Variants in LCA5L observed in about 807,000 individuals in gnomAD.
LCA5L encodes the protein lebercilin LCA5 like.
Under a neutral mutation model 45.4 loss-of-function variants are expected in LCA5L, and 35 were observed. The observed-to-expected ratio is 0.77, with a 90% CI of 0.59 to 1.02. The LOEUF (loss-of-function observed/expected upper bound fraction) is 1.02, where lower values mean the gene tolerates loss of function less well. LCA5L is among the 50% of genes least tolerant of loss of function. The pLI is 0.00. For missense variants in LCA5L, 668 were observed against 761.6 expected (o/e 0.88, Z 1.45); for synonymous variants, 233 against 264.7 (o/e 0.88, Z 1.16).
At position 39,435,559 on chromosome 21, in the gene LCA5L, T is replaced by C. The variant is rs961986423; in HGVS notation, c.-231A>G. ...TTTTGGTCTCTTTTTAAAGAAAGAA[T>C]ATATTTTAAAAAACCTAAAATGGTA... is the stretch of plus-strand genomic sequence containing the variant. On this transcript the variant is annotated 5_prime_UTR_variant, in exon 3 of 11. It adds an upstream start codon to the 5' untranslated region. Transcript: ENST00000288350. 1 of 152,200 alleles carries C rather than the reference T, an allele frequency of 6.6e-6. No individual in the cohort carries two copies. Among genetic ancestry groups the C allele is most frequent in the Non-Finnish European group, 1.5e-5 (1 of 68,018 alleles). 9.4% of individuals were successfully genotyped at this position (152,200 alleles called of 1,614,324 possible).
Position 39,406,408 on chromosome 21 carries a change from C to T in LCA5L, c.1487G>A (p.Ser496Asn). Residue 496 changes from serine to asparagine, a missense_variant, in exon 11 of 11, where the codon AGC becomes AAC. Ser to Asn is a conservative substitution (Grantham distance 46). Coordinates refer to ENST00000288350, the MANE Select transcript of LCA5L (RefSeq NM_152505.4). Reference protein sequence around the residue: ...DVLVREKFKRSMQRNGVDDTL... With the variant: ...DVLVREKFKRNMQRNGVDDTL... ...GTCATCCACACCATTTCTCTGCATG[C>T]TTCTTTTAAACTTTTCTCTTACTAG... is the stretch of plus-strand genomic sequence containing the variant. 6.2e-7 allele frequency: 1 copy of T among 1,613,848 alleles called. No homozygotes were observed. Among genetic ancestry groups the T allele is most frequent in the African/African-American group, 1.3e-5 (1 of 74,898 alleles).
chr21:39,438,058 T>G (rs918196303), intron 2 of LCA5L, among the ~76,000 whole-genome samples: 1 of 152,034 alleles, frequency 6.6e-6, no homozygotes, highest in African/African-American at 2.4e-5. Context: ...TATGAAAGAA[T>G]ACAAAGAAAT....
chr21:39,428,891 GGCGTGAGCCACCAT>G (rs1048932930), intron 4 of LCA5L, among the ~76,000 whole-genome samples: 81 of 152,000 alleles, frequency 5.3e-4, no homozygotes, highest in African/African-American at 1.9e-3. Flanking sequence ...TGGGATTACA[GGCGTGAGCCACCAT>G]GCTCAGCCAT....
At chr21:39,422,653 C>A in intron 6 of LCA5L, 2 of 414,918 alleles carry the variant, frequency 4.8e-6, no homozygotes, top group South Asian at 7.9e-5. Flanking sequence ...ACAATGCAAT[C>A]TTTTCAGCAC....
rs1373180800 is a variant in LCA5L, at chr21:39,410,176, A to G, written c.1165-80T>C. 1.9e-5 allele frequency: 24 copies of G among 1,253,922 alleles called. 1 individual carries two copies. The highest frequency in any genetic ancestry group is 2.8e-5 in the Non-Finnish European group (24 of 858,802). The allele number at this position is 1,253,922 out of a possible 1,614,324, so 77.7% of individuals were successfully genotyped here. A position where few individuals can be genotyped will look rare whatever the true frequency, so the allele number is the denominator to read the frequency against. On this transcript the variant is annotated intron_variant, in intron 9 of 10. Transcript: ENST00000288350. ...ATTGCATTTTATTCTAATGACTACAAATACTTTTCACATAGAACAAGTGAC... is the reference window on the plus strand; with the variant it reads ...ATTGCATTTTATTCTAATGACTACAGATACTTTTCACATAGAACAAGTGAC...
Position 39,410,115 on chromosome 21 carries a change from G to T in LCA5L, c.1165-19C>A. 1 of 1,528,796 alleles carries T rather than the reference G, an allele frequency of 6.5e-7. No individual in the cohort carries two copies. The highest frequency in any genetic ancestry group is 1.4e-5 in the African/African-American group (1 of 73,166). 94.7% of individuals were successfully genotyped at this position (1,528,796 alleles called of 1,614,324 possible). On this transcript the variant is annotated intron_variant, in intron 9 of 10. Coordinates refer to ENST00000288350, the MANE Select transcript of LCA5L (RefSeq NM_152505.4). ...TTTTACCCTGTAATTTAGAAAAGCA[G>T]CAAAAACACATTTTGGGGGGTCTAG...
intron 3 of LCA5L, among the ~76,000 whole-genome samples, chr21:39,433,764 G>T (rs1486654249): frequency 2.7e-5 from 4 of 145,992 alleles, no homozygotes; most frequent in Non-Finnish European, 6.0e-5. Context: ...GGTTACTGTA[G>T]CTTTTTTTTT....
rs370925430 is a variant in LCA5L, at chr21:39,406,132, T to A, written c.1763A>T (p.Asp588Val). The change falls in exon 11 of 11, where the codon GAT becomes GTT. Residue 588 changes from aspartate to valine, a missense_variant. Coordinates refer to ENST00000288350, the MANE Select transcript of LCA5L (RefSeq NM_152505.4). ...GCTTTTCTTATCTCTGAAAGTTGTA[T>A]CCTTCACTTTTATTCTGGAAGACTT... The part of the protein sequence containing the change: ...FGKSSRIKVK[D>V]TTFRDKKSSL... 6.2e-7 allele frequency: 1 copy of A among 1,614,148 alleles called. No homozygotes were observed. The highest frequency in any genetic ancestry group is 1.3e-5 in the African/African-American group (1 of 74,944).
At chr21:39,444,726 T>G (rs2077259361) in intron 1 of LCA5L, 1 of 152,022 alleles carries the variant, frequency 6.6e-6, no homozygotes, top group African/African-American at 2.4e-5. Flanking sequence ...TGGGTGCATT[T>G]TGAAGGCAGT....
At chr21:39,423,589 A>G (rs946123719) in intron 5 of LCA5L, 99 bp from the exon 6 acceptor site, 41 of 994,902 alleles carry the variant, frequency 4.1e-5, no homozygotes, top group Non-Finnish European at 5.8e-5. Context: ...ATGCACACAC[A>G]CCACACACAT....
Position 39,406,599 on chromosome 21 carries a change from T to C in LCA5L, c.1296A>G (p.Glu432=), listed in dbSNP as rs1286385918. The change falls in exon 11 of 11, where the codon GAA becomes GAG. Residue 432 remains glutamate, a synonymous_variant. Coordinates refer to ENST00000288350, the MANE Select transcript of LCA5L (RefSeq NM_152505.4). Reference sequence around the variant, plus strand: ...GTATTTGGACTTCCAAATGTTTCTCTTCCCCTGATAAATCTATATTAGAAA... The same window carrying C: ...GTATTTGGACTTCCAAATGTTTCTCCTCCCCTGATAAATCTATATTAGAAA... ...SKRKYEDLSG[E]EKHLEVQILL... is the part of the protein sequence containing the mutation. The C allele has an allele frequency of 6.3e-7, 1 of 1,579,238 alleles. No homozygotes were observed. Among genetic ancestry groups the C allele is most frequent in the African/African-American group, 1.4e-5 (1 of 72,796 alleles).
chr21:39,420,062 C>T (rs751368680), intron 7 of LCA5L, among the ~76,000 whole-genome samples: 19 of 151,986 alleles, frequency 1.3e-4, no homozygotes, highest in Admixed American at 2.6e-4. Flanking sequence ...TATTACTTAA[C>T]GTGATGAAAT....
intron 7 of LCA5L, among the ~76,000 whole-genome samples, chr21:39,420,000 TTA>T (rs1483916833): frequency 3.9e-5 from 6 of 152,146 alleles, no homozygotes; most frequent in Non-Finnish European, 8.8e-5. Flanking sequence ...ATCTTAAATA[TTA>T]TGTTTTTAAA....
intron 8 of LCA5L, among the ~76,000 whole-genome samples, 160 bp from the exon 9 acceptor site, chr21:39,410,527 T>C (rs1167517510): frequency 6.6e-6 from 1 of 152,226 alleles, no homozygotes; most frequent in Admixed American, 6.5e-5. Flanking sequence ...TTCCTGTTTT[T>C]CCCTCCAGGG....
chr21:39,424,127 C>T (rs1322781540), intron 5 of LCA5L, among the ~76,000 whole-genome samples: 2 of 152,088 alleles, frequency 1.3e-5, no homozygotes, highest in African/African-American at 4.8e-5. Flanking sequence ...ATTCTCCTGC[C>T]TCAGCCTCCC....
intron 10 of LCA5L, chr21:39,407,662 C>T (rs930222610): frequency 2.2e-4 from 33 of 152,338 alleles, no homozygotes; most frequent in African/African-American, 7.7e-4. Flanking sequence ...GATGTTCCCA[C>T]TACAGAATAT....
chr21:39,422,802 T>C, intron 6 of LCA5L, 174 bp downstream of exon 6: 1 of 637,120 alleles, frequency 1.6e-6, no homozygotes, highest in Non-Finnish European at 2.7e-6. Context: ...CTGTTTTTCC[T>C]TCAAACCACT....
intron 7 of LCA5L, among the ~76,000 whole-genome samples, chr21:39,412,866 C>G (rs1172307515): frequency 6.6e-6 from 1 of 152,194 alleles, no homozygotes. Flanking sequence ...GCTAAATACC[C>G]TCTCTAGGCC....
At position 39,421,409 on chromosome 21, in the gene LCA5L, G is replaced by C. The variant is rs114598798; in HGVS notation, c.838-566C>G. The stretch of plus-strand genomic sequence containing the variant: ...CTGCCCGATTTAAACATTCTGACCA[G>C]ATCCTGAAAATCAGTAGACATCATG... On this transcript the variant is annotated intron_variant, in intron 6 of 10. Transcript: ENST00000288350. 3.6e-3 allele frequency among the ~76,000 whole-genome samples: 550 copies of C among 152,238 alleles called. 5 individuals are homozygous for C. The highest frequency in any genetic ancestry group is 0.013 in the African/African-American group (537 of 41,542).
Sources: allele counts gnomAD v4.1 joint callset (sites outside exome capture counted in the v4.1 genomes callset), GRCh38; gene constraint gnomAD v4.1.1; transcripts MANE v1.5; gene names NCBI Gene and HGNC (gene_info 2026-07-23, HGNC 2026-07-21).